The following MRPS33 variants were observed in gnomAD, a reference collection of about 807,000 sequenced individuals.
MRPS33 encodes small ribosomal subunit protein mS33.
A neutral mutation model predicts 11.2 loss-of-function variants in MRPS33; 11 were observed. That is an observed-to-expected ratio of 0.99 (90% CI 0.62 to 1.63). The LOEUF (loss-of-function observed/expected upper bound fraction) is 1.63, where lower values mean the gene tolerates loss of function less well. MRPS33 is among the 40% of genes most tolerant of loss of function. The pLI, the probability that MRPS33 is intolerant of heterozygous loss-of-function variation, is 0.00. For missense variants in MRPS33, 109 were observed against 127.8 expected, an observed-to-expected ratio of 0.85 and a Z score of 0.71; for synonymous variants, 46 against 44.0, an observed-to-expected ratio of 1.05 and a Z score of -0.18.
chr7:141,005,119 A>G lies in MRPS33; in HGVS notation c.*1311T>C, dbSNP rs558779836. On this transcript the variant is annotated 3_prime_UTR_variant, in exon 3 of 3. Coordinates refer to ENST00000324787, the MANE Select transcript of MRPS33 (RefSeq NM_053035.3). ...CCAGCAGCGAGCTACTCAAATCTAT[A>G]CAACAGTCATCCCTCATAGAACTTC... 1.2e-4 allele frequency: 19 copies of G among 152,318 alleles called. No individual in the cohort carries two copies. Among genetic ancestry groups the G allele is most frequent in the African/African-American group, 3.8e-4 (16 of 41,560 alleles). 9.4% of individuals were successfully genotyped at this position (152,318 alleles called of 1,614,324 possible).
At chr7:141,007,564 T>C (rs541315904) in intron 2 of MRPS33, among the ~76,000 whole-genome samples, 26 of 152,308 alleles carry the variant, frequency 1.7e-4, no homozygotes, top group African/African-American at 5.3e-4. Context: ...GCAAATGCCA[T>C]TGTCCTTACT....
At position 141,005,133 on chromosome 7, in the gene MRPS33, T is replaced by G. The variant is rs1263447448; in HGVS notation, c.*1297A>C. 1 of 152,224 alleles carries G rather than the reference T, an allele frequency of 6.6e-6. No homozygotes were observed. Among genetic ancestry groups the G allele is most frequent in the Non-Finnish European group, 1.5e-5 (1 of 68,044 alleles). The allele number at this position is 152,224 out of a possible 1,614,324, so 9.4% of individuals were successfully genotyped here. On this transcript the variant is annotated 3_prime_UTR_variant, in exon 3 of 3. Coordinates refer to ENST00000324787, the MANE Select transcript of MRPS33 (RefSeq NM_053035.3). ...CTCAAATCTATACAACAGTCATCCC[T>G]CATAGAACTTCTAGTTATGTTCAAG...
chr7:141,012,419 G>T (rs1022199804), intron 1 of MRPS33, among the ~76,000 whole-genome samples: 1 of 152,016 alleles, frequency 6.6e-6, no homozygotes, highest in Non-Finnish European at 1.5e-5. Flanking sequence ...TCTGGTTGGG[G>T]GTGGGGTTGT....
intron 1 of MRPS33, among the ~76,000 whole-genome samples, chr7:141,012,155 C>A: frequency 1.0e-5 from 1 of 97,516 alleles, no homozygotes; most frequent in African/African-American, 4.2e-5. Context: ...GCCTGAGTGA[C>A]AGAGCAAGAT....
chr7:141,011,948 G>C (rs1820682143), intron 1 of MRPS33, among the ~76,000 whole-genome samples: 1 of 151,076 alleles, frequency 6.6e-6, no homozygotes, highest in Non-Finnish European at 1.5e-5. Context: ...AGGACTTCAA[G>C]ACCAGCCCAG....
chr7:141,013,206 G>C (rs1820721904), intron 1 of MRPS33, among the ~76,000 whole-genome samples: 1 of 152,224 alleles, frequency 6.6e-6, no homozygotes, highest in South Asian at 2.1e-4. Flanking sequence ...AACTTGACAA[G>C]ATAGCCAGGA....
At chr7:141,011,337 T>C (rs903405461) in intron 1 of MRPS33, among the ~76,000 whole-genome samples, 1 of 152,196 alleles carries the variant, frequency 6.6e-6, no homozygotes, top group African/African-American at 2.4e-5. Context: ...AATTGTAAGG[T>C]TACTTGCTGT....
rs768132621 is a variant in MRPS33, at chr7:141,006,382, C to G, written c.*48G>C. The G allele has an allele frequency of 1.3e-6, 2 of 1,497,654 alleles. No individual in the cohort carries two copies. The highest frequency in any genetic ancestry group is 9.2e-7 in the Non-Finnish European group (1 of 1,083,074). 92.8% of individuals were successfully genotyped at this position (1,497,654 alleles called of 1,614,324 possible). Reference sequence around the variant, plus strand: ...GGTGGAAAGACAATAAATGCACTTTCTTCTCTCCGCCACTGAGGAAGAAAG... The same window carrying G: ...GGTGGAAAGACAATAAATGCACTTTGTTCTCTCCGCCACTGAGGAAGAAAG... On this transcript the variant is annotated 3_prime_UTR_variant, in exon 3 of 3. Coordinates refer to ENST00000324787, the MANE Select transcript of MRPS33 (RefSeq NM_053035.3).
intron 2 of MRPS33, among the ~76,000 whole-genome samples, chr7:141,007,324 T>C (rs1252288267): frequency 2.0e-5 from 3 of 152,070 alleles, no homozygotes; most frequent in African/African-American, 4.8e-5. Context: ...CTGTAAAGTA[T>C]GGATAATAAC....
chr7:141,014,137 G>C (rs776412694), intron 1 of MRPS33, among the ~76,000 whole-genome samples: 13 of 152,144 alleles, frequency 8.5e-5, no homozygotes, highest in Admixed American at 2.6e-4. Context: ...TTTTGTAATG[G>C]TGCTTATTCT....
At position 141,006,469 on chromosome 7, in the gene MRPS33, T is replaced by C; in HGVS notation, c.282A>G (p.Pro94=). 6.2e-7 allele frequency: 1 copy of C among 1,614,006 alleles called. No individual in the cohort carries two copies. Among genetic ancestry groups the C allele is most frequent in the Non-Finnish European group, 8.5e-7 (1 of 1,180,030 alleles). Reference sequence around the variant, plus strand: ...CTGCTCTTTTCCCTTCTCCTTTCTTTGGTTTCTCCTTTCCACGAAGCTTCT... The same window carrying C: ...CTGCTCTTTTCCCTTCTCCTTTCTTCGGTTTCTCCTTTCCACGAAGCTTCT... ...RLKKLRGKEK[P]KKGEGKRAAK... is the part of the protein sequence containing the mutation. Residue 94 remains proline, a synonymous_variant, in exon 3 of 3, where the codon CCA becomes CCG. Transcript: ENST00000324787.
rs1820500271 is a variant in MRPS33, at chr7:141,005,366, T to G, written c.*1064A>C. On this transcript the variant is annotated 3_prime_UTR_variant, in exon 3 of 3. Transcript: ENST00000324787. ...TCAAGGTTCAGCTTAAATATCATTTTTTTTTTGAGATGTAGTCTTGCTCTG... is the reference window on the plus strand; with the variant it reads ...TCAAGGTTCAGCTTAAATATCATTTGTTTTTTGAGATGTAGTCTTGCTCTG... 6.6e-6 allele frequency: 1 copy of G among 152,226 alleles called. No individual in the cohort carries two copies. Among genetic ancestry groups the G allele is most frequent in the South Asian group, 2.1e-4 (1 of 4,832 alleles). 9.4% of individuals were successfully genotyped at this position (152,226 alleles called of 1,614,324 possible).
chr7:141,004,099 G>A lies in MRPS33; in HGVS notation c.*2331C>T, dbSNP rs1820467506. 1 of 152,206 alleles carries A rather than the reference G, an allele frequency of 6.6e-6. No individual in the cohort carries two copies. Among genetic ancestry groups the A allele is most frequent in the African/African-American group, 2.4e-5 (1 of 41,428 alleles). The allele number at this position is 152,206 out of a possible 1,614,324, so 9.4% of individuals were successfully genotyped here. On this transcript the variant is annotated 3_prime_UTR_variant, in exon 3 of 3. Transcript: ENST00000324787. ...GTGGATCAGGAGGTCAAGAGGTTGAGACCATCCTGGCTAACACAGTGAGAC... is the reference window on the plus strand; with the variant it reads ...GTGGATCAGGAGGTCAAGAGGTTGAAACCATCCTGGCTAACACAGTGAGAC...
At chr7:141,006,831 G>T (rs183719108) in intron 2 of MRPS33, among the ~76,000 whole-genome samples, 95 of 152,216 alleles carry the variant, frequency 6.2e-4, no homozygotes, top group Non-Finnish European at 2.9e-5. Context: ...CAATACTAAT[G>T]ATTACCCCAA....
rs759042939 is a variant in MRPS33, at chr7:141,010,431, A to T, written c.203T>A (p.Leu68His). The T allele has an allele frequency of 1.2e-5, 20 of 1,614,070 alleles. No individual in the cohort carries two copies. Among genetic ancestry groups the T allele is most frequent in the Non-Finnish European group, 1.6e-5 (19 of 1,180,038 alleles). Residue 68 changes from leucine to histidine, a missense_variant, in exon 2 of 3, where the codon CTT (leucine) becomes CAT (histidine). Transcript: ENST00000324787. ...TGTTTGTCATCACCTGTAGAGTCCA[A>T]GAAATCGGAGCGTCTGCATGAGTTC... ...YAELMQTLRF[L>H]GLYRDEHQDF...
chr7:141,010,247 C>A, intron 2 of MRPS33, 172 bp downstream of exon 2: 1 of 547,030 alleles, frequency 1.8e-6, no homozygotes, highest in Non-Finnish European at 3.2e-6. Context: ...TTTTTTTGGT[C>A]TCTCCATTAT....
At chr7:141,012,831 G>C (rs1204134519) in intron 1 of MRPS33, among the ~76,000 whole-genome samples, 1 of 152,168 alleles carries the variant, frequency 6.6e-6, no homozygotes, top group Non-Finnish European at 1.5e-5. Flanking sequence ...GCCTAGGTTT[G>C]ACTACTGGCT....
At chr7:141,011,321 C>T (rs527639487) in intron 1 of MRPS33, among the ~76,000 whole-genome samples, 1 of 152,264 alleles carries the variant, frequency 6.6e-6, no homozygotes, top group African/African-American at 2.4e-5. Context: ...ATAGAAGGCA[C>T]GTATGAATTG....
intron 2 of MRPS33, chr7:141,010,158 C>T (rs1478718949): frequency 4.9e-6 from 2 of 407,838 alleles, no homozygotes; most frequent in Non-Finnish European, 4.4e-6. Flanking sequence ...CACCTCTCTA[C>T]AGCTCAGTAT....
Sources: allele counts gnomAD v4.1 joint callset (sites outside exome capture counted in the v4.1 genomes callset), GRCh38; gene constraint gnomAD v4.1.1; transcripts MANE v1.5; gene names NCBI Gene and HGNC (gene_info 2026-07-23, HGNC 2026-07-21).